The following KPNB1 variants were observed in gnomAD, a reference collection of about 807,000 sequenced individuals.
KPNB1 encodes the protein importin subunit beta-1.
KPNB1 carries 7 observed loss-of-function variants against 113.0 expected under a neutral mutation model. The ratio of observed to expected loss-of-function variants is 0.06; its 90% CI spans 0.04 to 0.12. The LOEUF (loss-of-function observed/expected upper bound fraction) is 0.12, where lower values mean the gene tolerates loss of function less well. KPNB1 is among the 10% of genes least tolerant of loss of function. The pLI is 1.00. For synonymous variants in KPNB1, 363 were observed against 378.6 expected (o/e 0.96, Z 0.48); for missense variants, 400 against 1,054.8 (o/e 0.38, Z 8.60).
chr17:47,676,943 G>T (rs2030631656), intron 16 of KPNB1, 77 bp from the exon 17 acceptor site: 2 of 1,088,248 alleles, frequency 1.8e-6, no homozygotes, highest in Non-Finnish European at 2.8e-6. Context: ...TAAAAGCTCA[G>T]CAGCTAGTTA....
intron 3 of KPNB1, among the ~76,000 whole-genome samples, chr17:47,655,733 A>G (rs762427270): frequency 1.3e-5 from 2 of 152,198 alleles, no homozygotes; most frequent in Non-Finnish European, 2.9e-5. Flanking sequence ...TCCTTTCCTT[A>G]TAACAGCAAC....
chr17:47,650,488 C>A (rs749093275), intron 2 of KPNB1, 44 bp downstream of exon 2: 1 of 1,572,372 alleles, frequency 6.4e-7, no homozygotes, highest in Non-Finnish European at 8.6e-7. Flanking sequence ...GTCCCCATCC[C>A]CTGCGTGCGG....
intron 5 of KPNB1, among the ~76,000 whole-genome samples, chr17:47,659,439 A>C (rs779546996): frequency 2.6e-5 from 4 of 152,158 alleles, no homozygotes; most frequent in South Asian, 2.1e-4. Flanking sequence ...GATTGTGTGA[A>C]TCTTTTGCCT....
intron 15 of KPNB1, among the ~76,000 whole-genome samples, chr17:47,675,586 G>A (rs913198351): frequency 2.6e-5 from 4 of 151,864 alleles, no homozygotes; most frequent in Non-Finnish European, 5.9e-5. Flanking sequence ...ACCTGGTTTG[G>A]TTTGTAGTGC....
intron 21 of KPNB1, 22 bp downstream of exon 21, chr17:47,680,691 CCT>C (rs755343810): frequency 1.2e-6 from 2 of 1,607,664 alleles, no homozygotes; most frequent in Admixed American, 3.4e-5. Context: ...CCTCCACTGT[CCT>C]CTTTCTTCTA....
At chr17:47,650,514 C>A in intron 2 of KPNB1, 70 bp downstream of exon 2, 1 of 1,443,264 alleles carries the variant, frequency 6.9e-7, no homozygotes. Flanking sequence ...TCCCGCCCTC[C>A]CGGAGGCCCA....
chr17:47,659,089 C>T (rs1216702869), intron 5 of KPNB1, among the ~76,000 whole-genome samples: 1 of 152,152 alleles, frequency 6.6e-6, no homozygotes, highest in African/African-American at 2.4e-5. Flanking sequence ...TGGCTTAAGC[C>T]TGTAATCCCA....
chr17:47,658,194 C>T (rs1407430290), intron 4 of KPNB1, among the ~76,000 whole-genome samples: 2 of 152,184 alleles, frequency 1.3e-5, no homozygotes, highest in African/African-American at 4.8e-5. Context: ...CTCAGATGTT[C>T]AAGTCTGTTA....
At chr17:47,664,804 G>A (rs1028335825) in intron 8 of KPNB1, among the ~76,000 whole-genome samples, 1 of 152,076 alleles carries the variant, frequency 6.6e-6, no homozygotes, top group African/African-American at 2.4e-5. Context: ...TGAAATATCA[G>A]GTTGTCCATA....
At chr17:47,656,726 C>T in intron 3 of KPNB1, 134 bp from the exon 4 acceptor site, 2 of 827,912 alleles carry the variant, frequency 2.4e-6, no homozygotes, top group Non-Finnish European at 3.8e-6. Flanking sequence ...CCAGTCCGGG[C>T]AACATAGTGA....
chr17:47,682,320 C>T, intron 21 of KPNB1, 84 bp from the exon 22 acceptor site: 1 of 774,230 alleles, frequency 1.3e-6, no homozygotes, highest in South Asian at 1.4e-5. Flanking sequence ...GGCCTAGGAG[C>T]ATGTAATTGT....
chr17:47,658,695 A>T (rs1159865023), intron 5 of KPNB1, 35 bp downstream of exon 5: 1 of 1,569,930 alleles, frequency 6.4e-7, no homozygotes, highest in Non-Finnish European at 8.7e-7. Flanking sequence ...AGATTCAGAC[A>T]GTAAGGGATG....
intron 4 of KPNB1, 79 bp downstream of exon 4, chr17:47,657,139 T>G: frequency 1.7e-6 from 2 of 1,180,938 alleles, no homozygotes; most frequent in Non-Finnish European, 2.5e-6. Context: ...TAGTACTACC[T>G]TATTGAATCA....
chr17:47,675,398 T>TTTTTTTTTTTTTTTTTTTTTTTG (rs2030586875), intron 15 of KPNB1, among the ~76,000 whole-genome samples: 1 of 142,068 alleles, frequency 7.0e-6, no homozygotes, highest in African/African-American at 2.7e-5. Flanking sequence ...TGTTTTTTTT[T>TTTTTTTTTTTTTTTTTTTTTTTG]TGAGACTTGT....
intron 5 of KPNB1, among the ~76,000 whole-genome samples, chr17:47,660,426 A>G (rs764166346): frequency 5.9e-5 from 9 of 152,190 alleles, no homozygotes; most frequent in Non-Finnish European, 1.3e-4. Context: ...ATGGGCATGC[A>G]TGTGTATCTT....
At position 47,682,621 on chromosome 17, in the gene KPNB1, C is replaced by T. The variant is rs190866202; in HGVS notation, c.*217C>T. 45 of 545,320 alleles carry T rather than the reference C, an allele frequency of 8.3e-5. No homozygotes were observed. The Admixed American group carries it at 1.4e-3, about 16-fold the overall frequency. 33.8% of individuals were successfully genotyped at this position (545,320 alleles called of 1,614,324 possible). A position where few individuals can be genotyped will look rare whatever the true frequency, so the allele number is the denominator to read the frequency against. On this transcript the variant is annotated 3_prime_UTR_variant, in exon 22 of 22. Transcript: ENST00000290158. Reference sequence around the variant, plus strand: ...TAGTGAGCTAAGTAAGCACTGACTTCGTAGAAAACCATAACATCGGCCATC... The same window carrying T: ...TAGTGAGCTAAGTAAGCACTGACTTTGTAGAAAACCATAACATCGGCCATC...
At chr17:47,668,014 T>G (rs934157418) in intron 9 of KPNB1, among the ~76,000 whole-genome samples, 172 bp from the exon 10 acceptor site, 2 of 152,244 alleles carry the variant, frequency 1.3e-5, no homozygotes, top group African/African-American at 2.4e-5. Flanking sequence ...GAATCTTGTT[T>G]AACAAAGGCT....
intron 3 of KPNB1, among the ~76,000 whole-genome samples, chr17:47,653,151 C>G (rs956656044): frequency 2.6e-5 from 4 of 151,794 alleles, no homozygotes; most frequent in Non-Finnish European, 5.9e-5. Flanking sequence ...ATCTGTTTGG[C>G]AAATGGGAGT....
At chr17:47,660,833 T>C (rs1462905678) in intron 5 of KPNB1, among the ~76,000 whole-genome samples, 1 of 152,266 alleles carries the variant, frequency 6.6e-6, no homozygotes, top group African/African-American at 2.4e-5. Flanking sequence ...ACTTGTGACC[T>C]ACATTTTTCT....
Sources: allele counts gnomAD v4.1 joint callset (sites outside exome capture counted in the v4.1 genomes callset), GRCh38; gene constraint gnomAD v4.1.1; transcripts MANE v1.5; gene names NCBI Gene and HGNC (gene_info 2026-07-23, HGNC 2026-07-21).